The following FAM193B variants were observed in gnomAD, a reference collection of about 807,000 sequenced individuals.
FAM193B encodes the protein family with sequence similarity 193 member B.
FAM193B carries 27 observed loss-of-function variants against 70.7 expected under a neutral mutation model. The ratio of observed to expected loss-of-function variants is 0.38; its 90% CI spans 0.28 to 0.53. FAM193B has a LOEUF of 0.53. Among genes scored for constraint, FAM193B ranks in the 20% least tolerant of loss-of-function variants. FAM193B has a pLI of 0.81. For synonymous variants in FAM193B, 448 were observed against 436.0 expected (o/e 1.03, Z -0.34); for missense variants, 1,022 against 1,072.5 (o/e 0.95, Z 0.66).
At chr5:177,531,273 T>G in intron 5 of FAM193B, 1 of 1,297,392 alleles carries the variant, frequency 7.7e-7, no homozygotes, top group Non-Finnish European at 1.0e-6. Flanking sequence ...GGGCTCTCCC[T>G]ACACCCACCT....
intron 5 of FAM193B, among the ~76,000 whole-genome samples, chr5:177,526,700 G>T (rs1346235756): frequency 3.3e-5 from 5 of 152,188 alleles, no homozygotes; most frequent in African/African-American, 1.2e-4. Context: ...GCTGCATCAT[G>T]ACCCTCTGCT....
intron 1 of FAM193B, among the ~76,000 whole-genome samples, chr5:177,544,802 T>A (rs1325321064): frequency 6.6e-6 from 1 of 152,220 alleles, no homozygotes; most frequent in African/African-American, 2.4e-5. Flanking sequence ...GATTTTAGTG[T>A]AAATGAGTAT....
At chr5:177,534,049 G>A (rs1470465878) in intron 4 of FAM193B, among the ~76,000 whole-genome samples, 1 of 152,222 alleles carries the variant, frequency 6.6e-6, no homozygotes, top group Admixed American at 6.5e-5. Flanking sequence ...GCACCCATTG[G>A]GCTGGTCCCA....
Position 177,524,233 on chromosome 5 carries a change from GGCCCTT to G in FAM193B, c.2242_2247del (p.Lys748_Gly749del). ...TGCTTGTTGCGGCTCCGGCGGCTGCGGCCCTTGCCCTGGGGCAAGCTCTGTGGCCTT... is the reference window on the plus strand; with the variant it reads ...TGCTTGTTGCGGCTCCGGCGGCTGCGGCCCTGGGGCAAGCTCTGTGGCCTT... On this transcript the variant is annotated inframe_deletion, in exon 6 of 9. Transcript: ENST00000514747. 3 of 1,548,262 alleles carry G rather than the reference GGCCCTT, an allele frequency of 1.9e-6. No individual in the cohort carries two copies. Among genetic ancestry groups the G allele is most frequent in the Non-Finnish European group, 2.6e-6 (3 of 1,147,906 alleles).
intron 5 of FAM193B, among the ~76,000 whole-genome samples, chr5:177,526,155 C>G (rs1372430657): frequency 3.3e-5 from 5 of 152,202 alleles, no homozygotes; most frequent in Admixed American, 6.5e-5. Flanking sequence ...GAGGGTGACC[C>G]TGCGTCCCAG....
intron 7 of FAM193B, among the ~76,000 whole-genome samples, chr5:177,523,483 G>C (rs1762092899): frequency 6.6e-6 from 1 of 151,878 alleles, no homozygotes; most frequent in South Asian, 2.1e-4. Flanking sequence ...ATCTTATCTG[G>C]CCAACTCATT....
At chr5:177,550,642 T>TG (rs1766089431) in intron 1 of FAM193B, among the ~76,000 whole-genome samples, 1 of 152,144 alleles carries the variant, frequency 6.6e-6, no homozygotes, top group African/African-American at 2.4e-5. Context: ...GCAAGTCTCC[T>TG]GGGGGCTTAT....
chr5:177,552,116 G>C (rs570125675), intron 1 of FAM193B: 1 of 959,158 alleles, frequency 1.0e-6, no homozygotes, highest in African/African-American at 1.8e-5. Flanking sequence ...GTTGCTCTGA[G>C]TTTCTGTTTC....
chr5:177,545,319 C>T (rs527419325), intron 1 of FAM193B, among the ~76,000 whole-genome samples: 5 of 152,186 alleles, frequency 3.3e-5, no homozygotes, highest in Non-Finnish European at 7.4e-5. Context: ...GCTGGCATTA[C>T]AGGCATGAGC....
chr5:177,520,870 G>A (rs1761624876), intron 8 of FAM193B, among the ~76,000 whole-genome samples: 1 of 152,168 alleles, frequency 6.6e-6, no homozygotes, highest in Non-Finnish European at 1.5e-5. Context: ...AGGAGAGGAG[G>A]ACTAAAGTGA....
In FAM193B at chr5:177,538,884, C is replaced by T; in HGVS notation, c.453+21G>A. 1 of 1,612,010 alleles carries T rather than the reference C, an allele frequency of 6.2e-7. No individual in the cohort carries two copies. The highest frequency in any genetic ancestry group is 8.5e-7 in the Non-Finnish European group (1 of 1,178,386). Reference sequence around the variant, plus strand: ...GGAGGAGCCCTCCTGCATTCAGGGACCCCTGTCAGCGGTTACCTACCGCCA... The same window carrying T: ...GGAGGAGCCCTCCTGCATTCAGGGATCCCTGTCAGCGGTTACCTACCGCCA... On this transcript the variant is annotated intron_variant, in intron 2 of 8. Transcript: ENST00000514747. This position sits in a 1 kb window ranked among gnomAD's most constrained non-coding sequence, Gnocchi z 4.1.
chr5:177,540,724 T>C (rs546350622), intron 1 of FAM193B, among the ~76,000 whole-genome samples: 8 of 151,968 alleles, frequency 5.3e-5, no homozygotes, highest in African/African-American at 1.5e-4. Context: ...TCATGAGAGA[T>C]AGAAAGTGGT....
Position 177,538,215 on chromosome 5 carries a change from G to T in FAM193B, c.454-108C>A. 2 of 1,170,956 alleles carry T rather than the reference G, an allele frequency of 1.7e-6. No homozygotes were observed. Among genetic ancestry groups the T allele is most frequent in the Non-Finnish European group, 2.4e-6 (2 of 849,454 alleles). 72.5% of individuals were successfully genotyped at this position (1,170,956 alleles called of 1,614,324 possible). ...GAGCTCCTTCTCCTCCAGACCATGTGCCATAGCAAAAACACAATTAATACA... is the reference window on the plus strand; with the variant it reads ...GAGCTCCTTCTCCTCCAGACCATGTTCCATAGCAAAAACACAATTAATACA... On this transcript the variant is annotated intron_variant, in intron 2 of 8. Transcript: ENST00000514747. The surrounding 1 kb of genome is among the most constrained non-coding windows in gnomAD (Gnocchi z 4.1).
At chr5:177,540,933 C>T (rs1231203989) in intron 1 of FAM193B, among the ~76,000 whole-genome samples, 1 of 152,148 alleles carries the variant, frequency 6.6e-6, no homozygotes, top group Non-Finnish European at 1.5e-5. Flanking sequence ...AATGAGTTAG[C>T]ATTAGGGTAT....
rs776345259 is a variant in FAM193B, at chr5:177,536,163, T to C, written c.1076+195A>G. 2.0e-4 allele frequency: 124 copies of C among 613,840 alleles called. 1 individual carries two copies. Among genetic ancestry groups the C allele is most frequent in the Non-Finnish European group, 3.2e-4 (118 of 365,794 alleles). The allele number at this position is 613,840 out of a possible 1,614,324, so 38.0% of individuals were successfully genotyped here. ...CCTAGGCTCAAGTGATCTTCCTGCC[T>C]AGGACTCCCAAAGCGCTAGGAGTAT... On this transcript the variant is annotated intron_variant, in intron 4 of 8. Transcript: ENST00000514747.
At chr5:177,542,620 T>A (rs956458562) in intron 1 of FAM193B, among the ~76,000 whole-genome samples, 2 of 152,252 alleles carry the variant, frequency 1.3e-5, no homozygotes, top group Non-Finnish European at 2.9e-5. Flanking sequence ...TATTTCATGC[T>A]TTCGCTAAAG....
chr5:177,524,149 G>T, intron 6 of FAM193B, 36 bp downstream of exon 6: 1 of 1,593,250 alleles, frequency 6.3e-7, no homozygotes, highest in African/African-American at 1.3e-5. Context: ...ACTGGCTGGG[G>T]TAGGGGGTCA....
intron 1 of FAM193B, among the ~76,000 whole-genome samples, chr5:177,552,401 G>C (rs1766382550): frequency 6.6e-6 from 1 of 152,256 alleles, no homozygotes; most frequent in Non-Finnish European, 1.5e-5. Flanking sequence ...GAGTAGGTAA[G>C]AACATGGTAG....
At chr5:177,533,063 A>G (rs868163254) in intron 4 of FAM193B, among the ~76,000 whole-genome samples, 1 of 152,226 alleles carries the variant, frequency 6.6e-6, no homozygotes, top group Non-Finnish European at 1.5e-5. Context: ...AACCCTGCAC[A>G]CAGCAGGTGC....
Sources: allele counts gnomAD v4.1 joint callset (sites outside exome capture counted in the v4.1 genomes callset), GRCh38; gene constraint gnomAD v4.1.1; non-coding constraint Gnocchi (gnomAD v3.1); transcripts MANE v1.5; gene names NCBI Gene and HGNC (gene_info 2026-07-23, HGNC 2026-07-21).